Variants in ZNF609 observed in about 807,000 individuals in gnomAD.
The protein encoded by ZNF609 is zinc finger protein 609.
Under a neutral mutation model 109.5 loss-of-function variants are expected in ZNF609, and 11 were observed. The observed-to-expected ratio is 0.10, with a 90% CI of 0.06 to 0.17. The LOEUF is 0.17. Ranked by LOEUF, ZNF609 falls within the 10% of genes least tolerant of loss-of-function variation. The probability of loss-of-function intolerance (pLI) is 1.00; values close to 1 mark genes in which losing one functional copy is unlikely to be tolerated. For synonymous variants in ZNF609, 646 were observed against 662.0 expected, an observed-to-expected ratio of 0.98 and a Z score of 0.37; for missense variants, 1,559 against 1,772.4, an observed-to-expected ratio of 0.88 and a Z score of 2.16.
At chr15:64,636,473 G>A (rs1435524523) in intron 3 of ZNF609, among the ~76,000 whole-genome samples, 1 of 152,164 alleles carries the variant, frequency 6.6e-6, no homozygotes, top group Non-Finnish European at 1.5e-5. Context: ...ATAATCAAAT[G>A]AAACTTTTAA....
intron 1 of ZNF609, among the ~76,000 whole-genome samples, chr15:64,486,808 G>T (rs758323591): frequency 2.2e-4 from 34 of 152,170 alleles, no homozygotes; most frequent in African/African-American, 5.8e-4. Flanking sequence ...GTAGAGGCAG[G>T]TTTTGCCATT....
At chr15:64,542,996 G>A (rs1263167041) in intron 2 of ZNF609, among the ~76,000 whole-genome samples, 1 of 152,016 alleles carries the variant, frequency 6.6e-6, no homozygotes, top group Non-Finnish European at 1.5e-5. Context: ...CTGTCAGCGG[G>A]TGGGGGGCAA....
At chr15:64,583,890 G>A (rs1421789294) in intron 2 of ZNF609, among the ~76,000 whole-genome samples, 1 of 152,062 alleles carries the variant, frequency 6.6e-6, no homozygotes, top group Non-Finnish European at 1.5e-5. Context: ...CCTGGGTTTT[G>A]AATGTTTGCT....
chr15:64,570,932 A>G (rs1595722077), intron 2 of ZNF609, among the ~76,000 whole-genome samples: 3 of 152,282 alleles, frequency 2.0e-5, no homozygotes, highest in Admixed American at 2.0e-4. Flanking sequence ...AGGCTGAGGC[A>G]GGAGAATCAC....
chr15:64,639,959 G>A (rs1010196205), intron 3 of ZNF609, among the ~76,000 whole-genome samples: 3 of 151,714 alleles, frequency 2.0e-5, no homozygotes, highest in African/African-American at 7.3e-5. Flanking sequence ...TCTTTCTGTC[G>A]CCCAGGCTGG....
At chr15:64,541,418 C>G (rs1188654636) in intron 2 of ZNF609, among the ~76,000 whole-genome samples, 1 of 138,664 alleles carries the variant, frequency 7.2e-6, no homozygotes, top group Non-Finnish European at 1.5e-5. Flanking sequence ...CAGAGCGAGA[C>G]TCCGTCTCAA....
chr15:64,661,053 C>T (rs1466175953), intron 3 of ZNF609, among the ~76,000 whole-genome samples: 1 of 152,132 alleles, frequency 6.6e-6, no homozygotes, highest in Non-Finnish European at 1.5e-5. Flanking sequence ...CATCCACCTC[C>T]TGGGCTCAAG....
intron 2 of ZNF609, among the ~76,000 whole-genome samples, chr15:64,573,346 C>CTTTCTTTTTTTT (rs1894891785): frequency 1.4e-5 from 1 of 72,950 alleles, no homozygotes; most frequent in African/African-American, 5.4e-5. Flanking sequence ...GCCCAACTTT[C>CTTTCTTTTTTTT]TTTTTTTTTT....
At chr15:64,481,657 A>G (rs1893256728) in intron 1 of ZNF609, among the ~76,000 whole-genome samples, 2 of 152,196 alleles carry the variant, frequency 1.3e-5, no homozygotes, top group Admixed American at 1.3e-4. Context: ...AAAATATTGG[A>G]AACGTTTTCA....
At chr15:64,461,511 A>G (rs1325462901) in intron 1 of ZNF609, among the ~76,000 whole-genome samples, 1 of 151,976 alleles carries the variant, frequency 6.6e-6, no homozygotes, top group Admixed American at 6.6e-5. Flanking sequence ...TTACGGTTGG[A>G]TCATCTCTGT....
intron 3 of ZNF609, among the ~76,000 whole-genome samples, chr15:64,649,507 G>T (rs1181804697): frequency 6.6e-6 from 1 of 152,188 alleles, no homozygotes; most frequent in Non-Finnish European, 1.5e-5. Flanking sequence ...GGAAAGGTAA[G>T]TAAGTAGCTG....
chr15:64,572,841 T>G (rs547073783), intron 2 of ZNF609, among the ~76,000 whole-genome samples: 1 of 152,198 alleles, frequency 6.6e-6, no homozygotes, highest in East Asian at 1.9e-4. Context: ...GCGGAAGTTG[T>G]GGTGAGCCAA....
chr15:64,491,657 G>A (rs181801734), intron 1 of ZNF609, among the ~76,000 whole-genome samples: 172 of 151,778 alleles, frequency 1.1e-3, no homozygotes, highest in African/African-American at 4.1e-3. Context: ...GGCCAGCTTG[G>A]CCAACGTGGT....
intron 2 of ZNF609, among the ~76,000 whole-genome samples, chr15:64,547,003 G>A (rs1419718663): frequency 6.7e-6 from 1 of 149,498 alleles, no homozygotes; most frequent in Non-Finnish European, 1.5e-5. Flanking sequence ...TGCTAGCCAG[G>A]ATGGTCTGGA....
At position 64,675,029 on chromosome 15, in the gene ZNF609, G is replaced by A; in HGVS notation, c.2175G>A (p.Lys725=). The change falls in exon 5 of 10, where the codon AAG becomes AAA. Residue 725 remains lysine, a synonymous_variant. Transcript: ENST00000326648. ...FTVNPALTPA[K]DKKKKDKKKK... ...TCAACCCTGCCTTGACTCCAGCCAA[G>A]GACAAGAAAAAGAAAGACAAAAAAA... The A allele has an allele frequency of 1.9e-6, 3 of 1,613,910 alleles. No homozygotes were observed. The highest frequency in any genetic ancestry group is 2.5e-6 in the Non-Finnish European group (3 of 1,180,006).
intron 1 of ZNF609, among the ~76,000 whole-genome samples, chr15:64,477,127 CTT>C (rs1261559265): frequency 6.9e-6 from 1 of 145,672 alleles, no homozygotes; most frequent in Non-Finnish European, 1.5e-5. Flanking sequence ...CTTGCTTACT[CTT>C]CTCTTTCTTT....
At position 64,680,427 on chromosome 15, in the gene ZNF609, G is replaced by T. The variant is rs1191927428; in HGVS notation, c.3945+67G>T. 10 of 1,576,992 alleles carry T rather than the reference G, an allele frequency of 6.3e-6. No homozygotes were observed. In the African/African-American group the frequency reaches 1.1e-4, roughly 17 times the overall value. ...GTAAGGCCAGATCCAGGGTCTGGGA[G>T]AAGGTGGGCAAGTTCAGGTCCTGAC... On this transcript the variant is annotated intron_variant, in intron 7 of 9. Coordinates refer to ENST00000326648, the MANE Select transcript of ZNF609 (RefSeq NM_015042.2).
chr15:64,565,121 G>A (rs918080198), intron 2 of ZNF609, among the ~76,000 whole-genome samples: 4 of 148,078 alleles, frequency 2.7e-5, no homozygotes, highest in South Asian at 2.1e-4. Context: ...GTGCAGTGGC[G>A]TGATCTCTGT....
rs1194602243 is a variant in ZNF609, at chr15:64,577,328, AATAT to A, written c.748-45495_748-45492del. ...ACATATATGTATATATATACACACA[AATAT>A]ATACATATATATGTATATATATACA... On this transcript the variant is annotated intron_variant, in intron 2 of 9. Coordinates refer to ENST00000326648, the MANE Select transcript of ZNF609 (RefSeq NM_015042.2). Among the ~76,000 whole-genome samples the A allele has an allele frequency of 3.8e-4, 9 of 23,378 alleles. 4 individuals are homozygous for A. Among genetic ancestry groups the A allele is most frequent in the Non-Finnish European group, 1.5e-3 (7 of 4,804 alleles). The allele number at this position is 23,378 out of a possible 152,430, so 15.3% of individuals were successfully genotyped here.
Sources: gnomAD v4.1 joint callset for allele counts (sites outside exome capture counted in the v4.1 genomes callset) on GRCh38, gnomAD v4.1.1 for gene constraint, MANE v1.5 for transcripts, NCBI Gene and HGNC (gene_info 2026-07-23, HGNC 2026-07-21) for gene names.